Variants in TSHZ2 observed in about 807,000 individuals in gnomAD.
TSHZ2 encodes teashirt zinc finger homeobox 2, also known as teashirt homolog 2.
TSHZ2 carries 21 observed loss-of-function variants against 74.4 expected under a neutral mutation model. The observed-to-expected ratio is 0.28, with a 90% CI of 0.20 to 0.41. TSHZ2 has a LOEUF of 0.41. Ranked by LOEUF, TSHZ2 falls within the 10% of genes least tolerant of loss-of-function variation. The pLI, the probability that TSHZ2 is intolerant of heterozygous loss-of-function variation, is 1.00. For missense variants in TSHZ2, 1,244 were observed against 1,293.5 expected (o/e 0.96, Z 0.59); for synonymous variants, 540 against 515.3 (o/e 1.05, Z -0.65).
chr20:53,111,077 C>T (rs880430), intron 1 of TSHZ2, among the ~76,000 whole-genome samples: 44,067 of 151,988 alleles, frequency 0.29, 7,553 homozygotes, highest in Admixed American at 0.44. Context: ...ATGAGGAGCC[C>T]AGGCAGGAGA....
intron 1 of TSHZ2, among the ~76,000 whole-genome samples, chr20:53,017,990 A>G (rs1000805846): frequency 6.6e-6 from 1 of 152,230 alleles, no homozygotes. Flanking sequence ...TATGCAATGC[A>G]GTGAAAGAGA....
intron 2 of TSHZ2, among the ~76,000 whole-genome samples, chr20:53,422,014 G>C (rs1447602865): frequency 6.6e-6 from 1 of 152,050 alleles, no homozygotes; most frequent in African/African-American, 2.4e-5. Context: ...GCAGACCACT[G>C]CTTCTGTAGC....
intron 1 of TSHZ2, among the ~76,000 whole-genome samples, chr20:52,997,576 G>GAA (rs11472038): frequency 0.21 from 31,010 of 149,662 alleles, 3,914 homozygotes; most frequent in Non-Finnish European, 0.3. Flanking sequence ...CCTGATAAAA[G>GAA]AAAAAAAAAA....
intron 2 of TSHZ2, among the ~76,000 whole-genome samples, chr20:53,300,463 CCTGGAAGAGATTTTCTT>C (rs1991458787): frequency 6.6e-6 from 1 of 152,128 alleles, no homozygotes. Flanking sequence ...CTGATGTTCC[CCTGGAAGAGATTTTCTT>C]GACAAAGGAT....
At chr20:53,014,481 C>T (rs1304160897) in intron 1 of TSHZ2, among the ~76,000 whole-genome samples, 1 of 152,088 alleles carries the variant, frequency 6.6e-6, no homozygotes, top group Non-Finnish European at 1.5e-5. Context: ...TAGTTATGAA[C>T]CAGGAGCTGT....
At chr20:53,156,802 A>G (rs1008236192) in intron 1 of TSHZ2, among the ~76,000 whole-genome samples, 2 of 152,196 alleles carry the variant, frequency 1.3e-5, no homozygotes, top group African/African-American at 4.8e-5. Context: ...CATTTCCCCA[A>G]TAGGTTATAT....
At chr20:53,163,446 A>G (rs1300273968) in intron 1 of TSHZ2, among the ~76,000 whole-genome samples, 5 of 84,474 alleles carry the variant, frequency 5.9e-5, no homozygotes, top group African/African-American at 2.5e-4. Flanking sequence ...ATTTTATTTT[A>G]TTTTATTTTA....
intron 2 of TSHZ2, among the ~76,000 whole-genome samples, chr20:53,292,420 T>C (rs1329562528): frequency 1.3e-5 from 2 of 150,784 alleles, no homozygotes; most frequent in East Asian, 1.9e-4. Flanking sequence ...TTCACCCTCC[T>C]GGCCAGTAAA....
At chr20:53,317,476 C>T (rs1256485623) in intron 2 of TSHZ2, among the ~76,000 whole-genome samples, 2 of 152,240 alleles carry the variant, frequency 1.3e-5, no homozygotes, top group African/African-American at 2.4e-5. Context: ...AAAATAAAGA[C>T]GTTATCTGAT....
At chr20:53,132,406 G>A (rs528193643) in intron 1 of TSHZ2, among the ~76,000 whole-genome samples, 1 of 151,328 alleles carries the variant, frequency 6.6e-6, no homozygotes, top group Non-Finnish European at 1.5e-5. Flanking sequence ...CAGCCTCCAG[G>A]TTCAAGCAAT....
chr20:53,114,912 C>T (rs573696162), intron 1 of TSHZ2, among the ~76,000 whole-genome samples: 50 of 152,286 alleles, frequency 3.3e-4, no homozygotes, highest in African/African-American at 1.2e-3. Flanking sequence ...CCCACCAATT[C>T]TGAGGGTGGA....
chr20:53,077,763 AAAG>A (rs1398474884), intron 1 of TSHZ2, among the ~76,000 whole-genome samples: 1 of 152,218 alleles, frequency 6.6e-6, no homozygotes, highest in East Asian at 1.9e-4. Flanking sequence ...TTATCGCTGA[AAAG>A]GAGGTTGGTG....
intron 1 of TSHZ2, among the ~76,000 whole-genome samples, chr20:52,980,493 A>G (rs771483250): frequency 6.6e-6 from 1 of 152,164 alleles, no homozygotes; most frequent in Admixed American, 6.5e-5. Context: ...ACTGGTCTTA[A>G]TTACTTGAGT....
chr20:53,473,724 A>G (rs1250608582), intron 2 of TSHZ2, among the ~76,000 whole-genome samples: 1 of 151,882 alleles, frequency 6.6e-6, no homozygotes, highest in African/African-American at 2.4e-5. Flanking sequence ...ACGGGAGGAC[A>G]TTCAAACCAA....
chr20:53,459,238 C>A (rs1239206130), intron 2 of TSHZ2, among the ~76,000 whole-genome samples: 1 of 152,140 alleles, frequency 6.6e-6, no homozygotes. Flanking sequence ...AATCTGGGTG[C>A]TCCTGTATTG....
intron 2 of TSHZ2, chr20:53,421,780 T>G (rs1163987968): frequency 6.8e-6 from 1 of 147,238 alleles, no homozygotes; most frequent in Non-Finnish European, 1.5e-5. Context: ...CCTCCCAGGT[T>G]CACGCCATTC....
chr20:52,984,851 G>A (rs913114957), intron 1 of TSHZ2, among the ~76,000 whole-genome samples: 7 of 152,174 alleles, frequency 4.6e-5, no homozygotes, highest in African/African-American at 1.4e-4. Flanking sequence ...TGCAGGCAGG[G>A]TGCTAGTGAA....
intron 1 of TSHZ2, among the ~76,000 whole-genome samples, chr20:53,131,026 T>C (rs1568774292): frequency 6.6e-6 from 1 of 152,236 alleles, no homozygotes; most frequent in African/African-American, 2.4e-5. Context: ...TAATATCACT[T>C]TCAGTGATGA....
intron 1 of TSHZ2, among the ~76,000 whole-genome samples, chr20:53,209,920 G>T (rs988861915): frequency 6.6e-6 from 1 of 152,202 alleles, no homozygotes; most frequent in East Asian, 1.9e-4. Context: ...CAGGAGAGCA[G>T]AAGTACCTAC....
Sources: gnomAD v4.1 joint callset for allele counts (sites outside exome capture counted in the v4.1 genomes callset) on GRCh38, gnomAD v4.1.1 for gene constraint, MANE v1.5 for transcripts, NCBI Gene and HGNC (gene_info 2026-07-23, HGNC 2026-07-21) for gene names.